The following TMEM229B variants were observed in gnomAD, a reference collection of about 807,000 sequenced individuals.
The protein encoded by TMEM229B is chromosome 14 open reading frame 83.
TMEM229B carries 6 observed loss-of-function variants against 13.7 expected under a neutral mutation model. The ratio of observed to expected loss-of-function variants is 0.44; its 90% confidence interval spans 0.24 to 0.86. The LOEUF (loss-of-function observed/expected upper bound fraction) is 0.86, where lower values mean the gene tolerates loss of function less well. Among genes scored for constraint, TMEM229B ranks in the 40% least tolerant of loss-of-function variants. The pLI is 0.23. For missense variants in TMEM229B, 170 were observed against 236.0 expected (o/e 0.72, Z 1.83); for synonymous variants, 107 against 102.1 (o/e 1.05, Z -0.29).
chr14:67,531,366 C>T (rs1462308568), intron 1 of TMEM229B, among the ~76,000 whole-genome samples: 1 of 152,122 alleles, frequency 6.6e-6, no homozygotes, highest in Non-Finnish European at 1.5e-5. Context: ...GAAACTCAAG[C>T]CTCCTAAATT....
intron 1 of TMEM229B, among the ~76,000 whole-genome samples, chr14:67,513,714 C>T (rs924161155): frequency 2.0e-5 from 3 of 151,982 alleles, no homozygotes; most frequent in African/African-American, 7.3e-5. Context: ...GCGGGAGAGT[C>T]CTCCACCAGT....
At chr14:67,483,239 G>A (rs1355710846) in intron 2 of TMEM229B, among the ~76,000 whole-genome samples, 1 of 152,170 alleles carries the variant, frequency 6.6e-6, no homozygotes, top group Non-Finnish European at 1.5e-5. Flanking sequence ...TTGAACTCCT[G>A]ACCTCAAGTG....
At position 67,486,542 on chromosome 14, in the gene TMEM229B, G is replaced by A. The variant is rs1191047381; in HGVS notation, c.-19+458C>T. Among the ~76,000 whole-genome samples the A allele has an allele frequency of 3.3e-5, 5 of 152,124 alleles. No individual in the cohort carries two copies. The East Asian group carries it at 7.7e-4, about 24-fold the overall frequency. ...CCCACCTCGGCCTCCCAAAGTGCTG[G>A]GATTACAGGCGTGAGCCACAGTGCC... On this transcript the variant is annotated intron_variant, in intron 2 of 2. Transcript: ENST00000554480.
intron 1 of TMEM229B, among the ~76,000 whole-genome samples, chr14:67,530,680 T>C (rs1384979874): frequency 6.6e-6 from 1 of 152,208 alleles, no homozygotes; most frequent in Admixed American, 6.5e-5. Flanking sequence ...TAATCTTTTA[T>C]TGGTGAAATA....
chr14:67,528,964 T>C (rs1369860931), intron 1 of TMEM229B, among the ~76,000 whole-genome samples: 3 of 152,126 alleles, frequency 2.0e-5, no homozygotes, highest in East Asian at 1.9e-4. Context: ...CACCTCCTCA[T>C]TGGAATCCTT....
intron 1 of TMEM229B, among the ~76,000 whole-genome samples, chr14:67,510,007 C>G (rs1474866601): frequency 3.0e-5 from 4 of 134,156 alleles, no homozygotes; most frequent in Non-Finnish European, 5.0e-5. Flanking sequence ...GAGAACCCGT[C>G]TCTAAAAAAA....
chr14:67,525,893 T>C (rs1288881176), intron 1 of TMEM229B, among the ~76,000 whole-genome samples: 1 of 152,158 alleles, frequency 6.6e-6, no homozygotes, highest in Non-Finnish European at 1.5e-5. Flanking sequence ...ATCAAACCAT[T>C]CCAGAAGCCA....
At chr14:67,520,383 C>T (rs79160499), upstream of TMEM229B, among the ~76,000 whole-genome samples, 6,191 of 152,300 alleles carry the variant, frequency 0.041, 165 homozygotes, top group Non-Finnish European at 0.062. Flanking sequence ...TTCTTTTCAC[C>T]TGCTCTACAG....
chr14:67,504,620 C>T (rs1018682527), intron 1 of TMEM229B, among the ~76,000 whole-genome samples: 2 of 152,170 alleles, frequency 1.3e-5, no homozygotes, highest in Non-Finnish European at 2.9e-5. Context: ...TGTGCGGTGG[C>T]TCACACCTGT....
intron 1 of TMEM229B, among the ~76,000 whole-genome samples, chr14:67,507,914 A>G (rs116491711): frequency 0.024 from 3,693 of 152,078 alleles, 153 homozygotes; most frequent in African/African-American, 0.085. Context: ...TGAGGCCGGC[A>G]GTTCACCTGA....
At chr14:67,512,718 G>A (rs1048022411) in intron 1 of TMEM229B, among the ~76,000 whole-genome samples, 5 of 151,980 alleles carry the variant, frequency 3.3e-5, no homozygotes, top group Admixed American at 1.3e-4. Context: ...CAACATCATC[G>A]GAGACCCTCC....
upstream of TMEM229B, among the ~76,000 whole-genome samples, chr14:67,516,171 G>A (rs1008266671): frequency 1.3e-5 from 2 of 152,210 alleles, no homozygotes; most frequent in Non-Finnish European, 2.9e-5. Flanking sequence ...GCTGAGCAGG[G>A]AGTGGGAATG....
chr14:67,503,196 G>A (rs1162671906), intron 1 of TMEM229B, among the ~76,000 whole-genome samples: 6 of 152,182 alleles, frequency 3.9e-5, no homozygotes, highest in Non-Finnish European at 8.8e-5. Flanking sequence ...GACAAGAGGA[G>A]TTAAAAGATC....
upstream of TMEM229B, among the ~76,000 whole-genome samples, chr14:67,516,415 G>A (rs937453715): frequency 3.9e-5 from 6 of 152,160 alleles, no homozygotes; most frequent in African/African-American, 1.4e-4. Context: ...GAAATGAGGA[G>A]AGGGACAACA....
intron 1 of TMEM229B, among the ~76,000 whole-genome samples, chr14:67,495,736 G>A (rs925936475): frequency 6.6e-5 from 10 of 152,010 alleles, no homozygotes; most frequent in Non-Finnish European, 1.2e-4. Context: ...CACTCACCCC[G>A]GCCTCCCAAA....
intron 1 of TMEM229B, among the ~76,000 whole-genome samples, chr14:67,487,426 A>G (rs1227380778): frequency 6.6e-6 from 1 of 152,318 alleles, no homozygotes. Flanking sequence ...TCTTGCCTAA[A>G]TGTGTGAACA....
intron 1 of TMEM229B, among the ~76,000 whole-genome samples, chr14:67,499,261 C>G (rs2032513332): frequency 6.6e-6 from 1 of 152,130 alleles, no homozygotes; most frequent in Non-Finnish European, 1.5e-5. Context: ...GCCTCGACCT[C>G]CCAAGGCACT....
At chr14:67,486,651 T>C (rs989480359) in intron 2 of TMEM229B, among the ~76,000 whole-genome samples, 5 of 152,182 alleles carry the variant, frequency 3.3e-5, no homozygotes, top group African/African-American at 1.2e-4. Flanking sequence ...ATATGTGACT[T>C]GCTTCCCCTT....
upstream of TMEM229B, among the ~76,000 whole-genome samples, chr14:67,492,109 CTA>C (rs1379511131): frequency 6.6e-6 from 1 of 152,170 alleles, no homozygotes; most frequent in East Asian, 1.9e-4. Context: ...CTAGCCCACT[CTA>C]TCTCACATGC....
Sources: allele counts gnomAD v4.1 joint callset (sites outside exome capture counted in the v4.1 genomes callset), GRCh38; gene constraint gnomAD v4.1.1; transcripts MANE v1.5; gene names NCBI Gene and HGNC (gene_info 2026-07-23, HGNC 2026-07-21).